The following FMN1 variants were observed in gnomAD, a reference collection of about 807,000 sequenced individuals.
FMN1 encodes formin 1, also known as formin-1.
Under a neutral mutation model 132.4 loss-of-function variants are expected in FMN1, and 110 were observed. The ratio of observed to expected loss-of-function variants is 0.83; its 90% CI spans 0.71 to 0.97. The LOEUF (loss-of-function observed/expected upper bound fraction) is 0.97. Ranked by LOEUF, FMN1 falls within the 50% of genes least tolerant of loss-of-function variation. The pLI, the probability that FMN1 is intolerant of heterozygous loss-of-function variation, is 0.00. For missense variants in FMN1, 1,792 were observed against 1,705.3 expected (o/e 1.05, Z -0.90); for synonymous variants, 722 against 651.7 (o/e 1.11, Z -1.64).
chr15:33,110,649 T>C (rs1010333795), intron 4 of FMN1, among the ~76,000 whole-genome samples: 8 of 151,728 alleles, frequency 5.3e-5, no homozygotes, highest in Admixed American at 1.3e-4. Context: ...TCTTTTTCTT[T>C]TTAATATTTG....
intron 17 of FMN1, among the ~76,000 whole-genome samples, chr15:32,845,463 C>T (rs1448122933): frequency 6.6e-6 from 1 of 152,108 alleles, no homozygotes; most frequent in African/African-American, 2.4e-5. Context: ...TACTTTTCTC[C>T]TTTAGATGAT....
chr15:32,817,968 C>A lies in FMN1; in HGVS notation c.3929-13636G>T, dbSNP rs575650542. ...CACTTTTTCCCTGCTTTTTATCAAA[C>A]CTTTGTATTTTCCCCAGATTTTACA... On this transcript the variant is annotated intron_variant, in intron 17 of 20. Coordinates refer to ENST00000616417, the MANE Select transcript of FMN1 (RefSeq NM_001277313.2). Among the ~76,000 whole-genome samples, 10 of 152,266 alleles carry A rather than the reference C, an allele frequency of 6.6e-5. 1 individual carries two copies. Among genetic ancestry groups the A allele is most frequent in the African/African-American group, 1.9e-4 (8 of 41,562 alleles).
At chr15:32,804,442 G>GA (rs1567194460) in intron 17 of FMN1, 110 bp from the exon 18 acceptor site, 2 of 44,942 alleles carry the variant, frequency 4.5e-5, no homozygotes, top group Non-Finnish European at 1.0e-4. Context: ...GAATTCGGGG[G>GA]GGGGGGGGGG....
Position 32,774,254 on chromosome 15 carries a change from G to C in FMN1, c.*56C>G. 7.5e-6 allele frequency: 10 copies of C among 1,333,030 alleles called. No homozygotes were observed. In the South Asian group the frequency reaches 8.8e-5, roughly 12 times the overall value. 82.6% of individuals were successfully genotyped at this position (1,333,030 alleles called of 1,614,324 possible). A position where few individuals can be genotyped will look rare whatever the true frequency, so the allele number is the denominator to read the frequency against. ...CGTCCTGCAACCCTGTGGTCACAAAGAGTATGCGTGCAAGGTCCTCCACCT... is the reference window on the plus strand; with the variant it reads ...CGTCCTGCAACCCTGTGGTCACAAACAGTATGCGTGCAAGGTCCTCCACCT... On this transcript the variant is annotated 3_prime_UTR_variant, in exon 21 of 21. Coordinates refer to ENST00000616417, the MANE Select transcript of FMN1 (RefSeq NM_001277313.2).
intron 15 of FMN1, among the ~76,000 whole-genome samples, chr15:32,891,051 T>C (rs1449298318): frequency 6.6e-6 from 1 of 152,202 alleles, no homozygotes; most frequent in Non-Finnish European, 1.5e-5. Context: ...TGGCTGTAAG[T>C]ATTTGGGTTT....
At chr15:33,094,778 G>A (rs2039019089) in intron 4 of FMN1, among the ~76,000 whole-genome samples, 1 of 152,152 alleles carries the variant, frequency 6.6e-6, no homozygotes, top group Non-Finnish European at 1.5e-5. Flanking sequence ...CTAGTTGAGG[G>A]ATGTGTATTA....
chr15:33,069,542 G>A (rs1156708801), intron 5 of FMN1, among the ~76,000 whole-genome samples: 2 of 152,204 alleles, frequency 1.3e-5, no homozygotes, highest in South Asian at 2.1e-4. Context: ...TTTATCTGCA[G>A]GAGTGGGTGG....
intron 6 of FMN1, among the ~76,000 whole-genome samples, chr15:33,010,990 A>C (rs1444797744): frequency 9.6e-6 from 1 of 104,250 alleles, no homozygotes; most frequent in Non-Finnish European, 2.0e-5. Context: ...GAGTCTTCCC[A>C]AACTGATTCC....
chr15:33,121,695 CTTTTTG>C (rs1962574446), intron 4 of FMN1, among the ~76,000 whole-genome samples: 2 of 151,914 alleles, frequency 1.3e-5, no homozygotes, highest in African/African-American at 2.4e-5. Flanking sequence ...TGCCCAGCTT[CTTTTTG>C]TATGTTTAGT....
At chr15:32,820,559 A>G (rs1481593651) in intron 17 of FMN1, among the ~76,000 whole-genome samples, 1 of 152,162 alleles carries the variant, frequency 6.6e-6, no homozygotes. Context: ...AAGTACTGTT[A>G]TCATTTTGGG....
intron 17 of FMN1, among the ~76,000 whole-genome samples, chr15:32,827,699 C>A (rs1400115854): frequency 6.6e-6 from 1 of 151,972 alleles, no homozygotes; most frequent in Non-Finnish European, 1.5e-5. Context: ...AAGAAATTAG[C>A]CTGGCGTGGT....
At chr15:33,124,966 A>C (rs1424895348) in intron 4 of FMN1, among the ~76,000 whole-genome samples, 1 of 152,158 alleles carries the variant, frequency 6.6e-6, no homozygotes, top group Non-Finnish European at 1.5e-5. Flanking sequence ...CTTTGAAATC[A>C]GAGGCAATTC....
At chr15:33,141,545 G>C (rs1363836485) in intron 4 of FMN1, among the ~76,000 whole-genome samples, 1 of 152,200 alleles carries the variant, frequency 6.6e-6, no homozygotes, top group African/African-American at 2.4e-5. Flanking sequence ...ATACCTATGG[G>C]AAAGTGAGGG....
At chr15:33,101,106 G>T (rs1257490122) in intron 4 of FMN1, among the ~76,000 whole-genome samples, 4 of 151,854 alleles carry the variant, frequency 2.6e-5, no homozygotes, top group African/African-American at 9.7e-5. Flanking sequence ...TTTATAATCA[G>T]AAAACAATAA....
chr15:32,940,499 T>C (rs1280334983), intron 9 of FMN1, among the ~76,000 whole-genome samples: 1 of 151,886 alleles, frequency 6.6e-6, no homozygotes, highest in Non-Finnish European at 1.5e-5. Context: ...ATACAGGAGC[T>C]ACTCATAAGA....
chr15:32,927,682 C>T (rs1262437918), intron 9 of FMN1, among the ~76,000 whole-genome samples: 3 of 152,140 alleles, frequency 2.0e-5, no homozygotes, highest in Admixed American at 2.0e-4. Flanking sequence ...TTTTGTGTTT[C>T]TCTACAACTA....
intron 6 of FMN1, among the ~76,000 whole-genome samples, chr15:33,060,961 C>T (rs1400360115): frequency 1.3e-5 from 2 of 152,164 alleles, no homozygotes; most frequent in Non-Finnish European, 2.9e-5. Context: ...TGAGAAATTT[C>T]AGGTAGCCCT....
chr15:33,157,323 A>G (rs900999408), intron 3 of FMN1, among the ~76,000 whole-genome samples: 1 of 152,144 alleles, frequency 6.6e-6, no homozygotes, highest in South Asian at 2.1e-4. Context: ...TGTAATTTCA[A>G]ATAGGAATAT....
chr15:32,917,371 C>A (rs1329971844), intron 10 of FMN1, among the ~76,000 whole-genome samples: 1 of 152,186 alleles, frequency 6.6e-6, no homozygotes, highest in Non-Finnish European at 1.5e-5. Flanking sequence ...TGCACAAATC[C>A]TCACTCTATG....
Sources: gnomAD v4.1 joint callset for allele counts (sites outside exome capture counted in the v4.1 genomes callset) on GRCh38, gnomAD v4.1.1 for gene constraint, MANE v1.5 for transcripts, NCBI Gene and HGNC (gene_info 2026-07-23, HGNC 2026-07-21) for gene names.